MICU1: variants seen among roughly 807,000 people sequenced by gnomAD.
The protein encoded by MICU1 is mitochondrial calcium uptake 1.
MICU1 carries 45 observed loss-of-function variants against 56.8 expected under a neutral mutation model. That is an observed-to-expected ratio of 0.79 (90% CI 0.62 to 1.02). The LOEUF is 1.02. Ranked by LOEUF, MICU1 falls within the 50% of genes least tolerant of loss-of-function variation. The pLI is 0.00. For missense variants in MICU1, 504 were observed against 587.1 expected (o/e 0.86, Z 1.46); for synonymous variants, 186 against 195.1 (o/e 0.95, Z 0.39).
intron 6 of MICU1, among the ~76,000 whole-genome samples, chr10:72,479,672 C>T (rs1037800973): frequency 1.3e-5 from 2 of 152,058 alleles, no homozygotes; most frequent in African/African-American, 4.8e-5. Flanking sequence ...ACTACAGGTG[C>T]GTGCCACCAA....
intron 3 of MICU1, among the ~76,000 whole-genome samples, chr10:72,556,749 C>A (rs1242747505): frequency 1.3e-5 from 2 of 152,010 alleles, no homozygotes; most frequent in South Asian, 2.1e-4. Context: ...GTAAAAATTT[C>A]TTCTCCAACA....
intron 10 of MICU1, among the ~76,000 whole-genome samples, chr10:72,399,318 C>T (rs1278240813): frequency 2.2e-5 from 3 of 138,670 alleles, no homozygotes; most frequent in African/African-American, 5.5e-5. Context: ...GTTGCAGGGT[C>T]GGGGGCTGGG....
chr10:72,524,640 G>T (rs1019296049), intron 5 of MICU1: 13 of 779,808 alleles, frequency 1.7e-5, no homozygotes, highest in African/African-American at 3.6e-5. Flanking sequence ...GCAGGGCAAG[G>T]ACATATGCAT....
chr10:72,530,162 T>C (rs552034502), intron 5 of MICU1, among the ~76,000 whole-genome samples: 18 of 151,236 alleles, frequency 1.2e-4, no homozygotes, highest in African/African-American at 3.6e-4. Context: ...ACCCCGTCTC[T>C]ACTAAAAATA....
intron 8 of MICU1, among the ~76,000 whole-genome samples, chr10:72,432,797 T>G (rs776355602): frequency 1.1e-4 from 16 of 152,168 alleles, no homozygotes; most frequent in Admixed American, 2.0e-4. Context: ...GCCTCCAACA[T>G]TGCGGGGGTC....
intron 4 of MICU1, among the ~76,000 whole-genome samples, chr10:72,541,153 GGCAAGAGCCCGGGAATT>G (rs1839764635): frequency 6.6e-6 from 1 of 152,150 alleles, no homozygotes; most frequent in Non-Finnish European, 1.5e-5. Flanking sequence ...CTCATTCCCG[GGCAAGAGCCCGGGAATT>G]GGAGGAATTT....
At chr10:72,428,813 G>A (rs1864432882) in intron 8 of MICU1, among the ~76,000 whole-genome samples, 1 of 152,140 alleles carries the variant, frequency 6.6e-6, no homozygotes, top group Non-Finnish European at 1.5e-5. Flanking sequence ...GACTGAGGGT[G>A]TCAGGGAAAA....
At chr10:72,396,162 A>T (rs543513643) in intron 10 of MICU1, among the ~76,000 whole-genome samples, 2 of 152,366 alleles carry the variant, frequency 1.3e-5, no homozygotes, top group African/African-American at 4.8e-5. Context: ...GTGGACCTCC[A>T]GCCAACTCCA....
intron 7 of MICU1, chr10:72,475,872 T>C (rs1254478134): frequency 1.1e-5 from 5 of 456,558 alleles, no homozygotes; most frequent in South Asian, 4.6e-5. Context: ...AACTTTATAA[T>C]TGGGATCCTC....
Position 72,407,911 on chromosome 10 carries a change from CT to C in MICU1, c.1180+17del, listed in dbSNP as rs762982392. On this transcript the variant is annotated intron_variant, in intron 10 of 11. Transcript: ENST00000361114. Reference sequence around the variant, plus strand: ...CAATGTTCATACCTTCAAAAAAACACTTTTTGAGTTTCATTACCTTTATCAA... The same window carrying C: ...CAATGTTCATACCTTCAAAAAAACACTTTTGAGTTTCATTACCTTTATCAA... 2 of 1,573,456 alleles carry C rather than the reference CT, an allele frequency of 1.3e-6. No individual in the cohort carries two copies. The highest frequency in any genetic ancestry group is 1.7e-6 in the Non-Finnish European group (2 of 1,144,948).
At chr10:72,498,754 T>A (rs568044677) in intron 6 of MICU1, among the ~76,000 whole-genome samples, 1 of 152,154 alleles carries the variant, frequency 6.6e-6, no homozygotes, top group African/African-American at 2.4e-5. Context: ...ATTGATTCCA[T>A]GGAAAAGTCA....
chr10:72,408,317 CT>C (rs367981659), intron 9 of MICU1, among the ~76,000 whole-genome samples: 64 of 151,290 alleles, frequency 4.2e-4, no homozygotes, highest in Admixed American at 1.5e-3. Context: ...AATATTTCTT[CT>C]TTTTTTTTGA....
At chr10:72,401,173 C>T (rs774221945) in intron 10 of MICU1, among the ~76,000 whole-genome samples, 7 of 152,040 alleles carry the variant, frequency 4.6e-5, no homozygotes, top group Admixed American at 2.0e-4. Context: ...AAATAAAAGG[C>T]ATTGAGATGA....
intron 1 of MICU1, among the ~76,000 whole-genome samples, chr10:72,595,985 C>CTTT (rs1220444933): frequency 1.7e-5 from 2 of 119,256 alleles, no homozygotes; most frequent in East Asian, 2.2e-4. Flanking sequence ...AAATTTTTTT[C>CTTT]TTTTTTTTTT....
chr10:72,589,667 G>A (rs1463586391), intron 1 of MICU1, among the ~76,000 whole-genome samples: 2 of 151,928 alleles, frequency 1.3e-5, no homozygotes, highest in Non-Finnish European at 2.9e-5. Flanking sequence ...TTAAGAGTAG[G>A]GAACTATGGT....
intron 8 of MICU1, among the ~76,000 whole-genome samples, chr10:72,473,612 G>A (rs530163335): frequency 6.6e-6 from 1 of 152,192 alleles, no homozygotes; most frequent in East Asian, 1.9e-4. Context: ...AGACACTCCA[G>A]TGCACCGAAC....
At chr10:72,536,580 T>C (rs887190859) in intron 4 of MICU1, among the ~76,000 whole-genome samples, 1 of 151,970 alleles carries the variant, frequency 6.6e-6, no homozygotes, top group African/African-American at 2.4e-5. Context: ...CTTGATCTCC[T>C]GACCTCATGA....
chr10:72,433,882 T>A (rs1365733074), intron 8 of MICU1, among the ~76,000 whole-genome samples: 1 of 152,196 alleles, frequency 6.6e-6, no homozygotes, highest in African/African-American at 2.4e-5. Context: ...GATGATTAAA[T>A]CCTTAGAACA....
intron 5 of MICU1, chr10:72,531,534 A>T (rs2132405959): frequency 6.6e-6 from 1 of 152,178 alleles, no homozygotes; most frequent in East Asian, 1.9e-4. Context: ...CCTGGCCAAC[A>T]TGGTGAAACC....
Sources: gnomAD v4.1 joint callset for allele counts (sites outside exome capture counted in the v4.1 genomes callset) on GRCh38, gnomAD v4.1.1 for gene constraint, MANE v1.5 for transcripts, NCBI Gene and HGNC (gene_info 2026-07-23, HGNC 2026-07-21) for gene names.